Variants in CFAP47 observed in about 807,000 individuals in gnomAD.
CFAP47 encodes cilia- and flagella-associated protein 47.
In CFAP47, 29 loss-of-function variants were observed where a neutral mutation model predicts 148.1. The ratio of observed to expected loss-of-function variants is 0.20; its 90% CI spans 0.15 to 0.27. CFAP47 has a LOEUF of 0.27. Among genes scored for constraint, CFAP47 ranks in the 10% least tolerant of loss-of-function variants. The pLI, the probability that CFAP47 is intolerant of heterozygous loss-of-function variation, is 1.00. For synonymous variants in CFAP47, 664 were observed against 577.3 expected (o/e 1.15, Z -2.15); for missense variants, 1,872 against 1,697.5 (o/e 1.10, Z -1.81).
chrX:36,304,109 G>A lies in CFAP47; in HGVS notation c.8082+149G>A. ...AGAATTGAATTTTATAGGCCCAGCG[G>A]GGTGGCTCATGCCTGTAATCCCAGC... On this transcript the variant is annotated intron_variant, in intron 54 of 63. Coordinates refer to ENST00000378653, the MANE Select transcript of CFAP47 (RefSeq NM_001304548.2). The A allele has an allele frequency of 8.7e-6, 3 of 343,228 alleles. No individual in the cohort carries two copies. The South Asian group carries it at 1.4e-4, about 16-fold the overall frequency. 28.3% of individuals were successfully genotyped at this position (343,228 alleles called of 1,213,427 possible).
At chrX:36,241,339 C>A (rs1247955778) in intron 48 of CFAP47, among the ~76,000 whole-genome samples, 1 of 111,646 alleles carries the variant, frequency 9.0e-6, no homozygotes, top group African/African-American at 3.3e-5. Context: ...CCCCAGGGAT[C>A]CCCATCTCCC....
At chrX:35,967,062 C>T (rs1186469129) in intron 9 of CFAP47, among the ~76,000 whole-genome samples, 1 of 110,727 alleles carries the variant, frequency 9.0e-6, no homozygotes, top group Non-Finnish European at 1.9e-5. Context: ...GTGTTACGGC[C>T]CAAAGACACA....
At chrX:36,302,634 G>A (rs1455793296) in intron 53 of CFAP47, among the ~76,000 whole-genome samples, 1 of 112,041 alleles carries the variant, frequency 8.9e-6, no homozygotes, top group Non-Finnish European at 1.9e-5. Flanking sequence ...GAATGAAGAT[G>A]ACAAGCTGGA....
chrX:36,132,333 C>A (rs1168612819), intron 33 of CFAP47, among the ~76,000 whole-genome samples: 1 of 111,850 alleles, frequency 8.9e-6, no homozygotes, highest in Non-Finnish European at 1.9e-5. Flanking sequence ...CTACATTAGA[C>A]TGCTGGTTCT....
intron 47 of CFAP47, 144 bp downstream of exon 47, chrX:36,236,221 T>G (rs1287619679): frequency 3.1e-6 from 1 of 326,113 alleles, no homozygotes; most frequent in Non-Finnish European, 5.3e-6. Flanking sequence ...TATTTTTACT[T>G]AAAACTTTAA....
At chrX:36,108,939 G>A (rs1938509263) in intron 33 of CFAP47, among the ~76,000 whole-genome samples, 1 of 109,807 alleles carries the variant, frequency 9.1e-6, no homozygotes, top group African/African-American at 3.3e-5. Context: ...TTCTTCTGAT[G>A]CTCTCCCTCC....
chrX:36,228,452 T>C (rs1940296554), intron 45 of CFAP47, among the ~76,000 whole-genome samples, 176 bp from the exon 46 acceptor site: 1 of 111,083 alleles, frequency 9.0e-6, no homozygotes, highest in Non-Finnish European at 1.9e-5. Flanking sequence ...ATACTCTAAT[T>C]GATAAATAAG....
chrX:35,937,994 C>G (rs1175731027), intron 2 of CFAP47, among the ~76,000 whole-genome samples: 1 of 111,489 alleles, frequency 9.0e-6, no homozygotes, highest in African/African-American at 3.3e-5. Flanking sequence ...ATGTGTCTCC[C>G]AAAACTATGA....
chrX:36,196,258 T>C (rs1330473223), intron 42 of CFAP47, among the ~76,000 whole-genome samples: 1 of 111,714 alleles, frequency 9.0e-6, no homozygotes, highest in Non-Finnish European at 1.9e-5. Context: ...AATGGTGACC[T>C]ATAATGATTA....
At chrX:36,086,818 T>C (rs1323041052) in intron 30 of CFAP47, among the ~76,000 whole-genome samples, 2 of 110,823 alleles carry the variant, frequency 1.8e-5, no homozygotes, top group Non-Finnish European at 3.8e-5. Context: ...TGTGTTGGGA[T>C]GTTAGAGGGA....
At chrX:36,206,796 T>C in intron 45 of CFAP47, among the ~76,000 whole-genome samples, 1 of 111,964 alleles carries the variant, frequency 8.9e-6, no homozygotes, top group Non-Finnish European at 1.9e-5. Flanking sequence ...TTATTAATTA[T>C]CCATTTTGGT....
intron 59 of CFAP47, among the ~76,000 whole-genome samples, chrX:36,353,054 A>T (rs368083043): frequency 9.0e-6 from 1 of 110,888 alleles, no homozygotes; most frequent in Non-Finnish European, 1.9e-5. Flanking sequence ...AAATATTTTT[A>T]AAATATTGCA....
intron 29 of CFAP47, among the ~76,000 whole-genome samples, chrX:36,081,983 G>A: frequency 9.0e-6 from 1 of 111,711 alleles, no homozygotes; most frequent in East Asian, 2.8e-4. Context: ...GTCCTTTTCA[G>A]AGCAAGCAGA....
intron 30 of CFAP47, among the ~76,000 whole-genome samples, chrX:36,086,375 T>C (rs920884889): frequency 2.7e-5 from 3 of 111,950 alleles, no homozygotes; most frequent in African/African-American, 6.5e-5. Context: ...CATGCTCCTA[T>C]ACAATTAAAA....
At chrX:36,357,221 G>C (rs1334189511) in intron 60 of CFAP47, among the ~76,000 whole-genome samples, 1 of 111,955 alleles carries the variant, frequency 8.9e-6, no homozygotes, top group African/African-American at 3.2e-5. Flanking sequence ...GCAGATTGAG[G>C]CTGAGATATT....
chrX:36,141,097 T>C (rs1478673158), intron 35 of CFAP47, among the ~76,000 whole-genome samples: 1 of 107,331 alleles, frequency 9.3e-6, no homozygotes, highest in African/African-American at 3.4e-5. Flanking sequence ...TAGGGTTCTC[T>C]AGAGACACAG....
At chrX:36,003,967 CT>C (rs761024902) in intron 21 of CFAP47, among the ~76,000 whole-genome samples, 2,436 of 66,367 alleles carry the variant, frequency 0.037, 36 homozygotes, top group Non-Finnish European at 0.048. Context: ...CTTTCTTTTT[CT>C]TTTTTTTTTT....
intron 56 of CFAP47, among the ~76,000 whole-genome samples, chrX:36,313,431 G>A (rs147624504): frequency 0.026 from 2,861 of 110,533 alleles, 78 homozygotes; most frequent in African/African-American, 0.089. Context: ...GAACAGCATA[G>A]GATAAACCGC....
intron 29 of CFAP47, among the ~76,000 whole-genome samples, chrX:36,083,176 G>A (rs948099769): frequency 1.8e-5 from 2 of 110,054 alleles, no homozygotes; most frequent in African/African-American, 6.6e-5. Context: ...TGTTTCCCCA[G>A]CTTGATTCAG....
Sources: gnomAD v4.1 joint callset for allele counts (sites outside exome capture counted in the v4.1 genomes callset) on GRCh38, gnomAD v4.1.1 for gene constraint, MANE v1.5 for transcripts, NCBI Gene and HGNC (gene_info 2026-07-23, HGNC 2026-07-21) for gene names.